The following ZBTB24 variants were observed in gnomAD, a reference collection of about 807,000 sequenced individuals.
ZBTB24 encodes the protein zinc finger and BTB domain-containing protein 24.
In ZBTB24, 32 loss-of-function variants were observed where a neutral mutation model predicts 53.8. The observed-to-expected ratio is 0.60, with a 90% CI of 0.45 to 0.80. The LOEUF (loss-of-function observed/expected upper bound fraction) is 0.80, where lower values mean the gene tolerates loss of function less well. Among genes scored for constraint, ZBTB24 ranks in the 30% least tolerant of loss-of-function variants. ZBTB24 has a pLI of 0.00. For missense variants in ZBTB24, 722 were observed against 837.1 expected (o/e 0.86, Z 1.70); for synonymous variants, 297 against 306.7 (o/e 0.97, Z 0.33).
At position 109,479,964 on chromosome 6, in the gene ZBTB24, G is replaced by A. The variant is rs192449882; in HGVS notation, c.952+1111C>T. Among the ~76,000 whole-genome samples the A allele has an allele frequency of 1.4e-3, 189 of 138,684 alleles. 1 individual carries two copies. Among genetic ancestry groups the A allele is most frequent in the African/African-American group, 4.9e-3 (185 of 37,480 alleles). 91.0% of individuals were successfully genotyped at this position (138,684 alleles called of 152,430 possible). On this transcript the variant is annotated intron_variant, in intron 2 of 6. Coordinates refer to ENST00000230122, the MANE Select transcript of ZBTB24 (RefSeq NM_014797.3). ...AAAAGCTAAAATATAACCTATTACA[G>A]TTCAACAAATATTTCTCAAGTATCC...
intron 2 of ZBTB24, among the ~76,000 whole-genome samples, chr6:109,477,642 TGAG>T (rs1409718652): frequency 6.6e-6 from 1 of 152,150 alleles, no homozygotes; most frequent in Non-Finnish European, 1.5e-5. Context: ...GAGTGTTCAC[TGAG>T]GAGGGTTAAG....
rs1776285529 is a variant in ZBTB24 at position 109,476,745 on chromosome 6, C to T, written c.1120+18G>A. ...ATGGGAATCTGGTGAAGCTGGCCCTCTGGGCAAGCCCCACTACCTGAGTGC... is the reference window on the plus strand; with the variant it reads ...ATGGGAATCTGGTGAAGCTGGCCCTTTGGGCAAGCCCCACTACCTGAGTGC... On this transcript the variant is annotated intron_variant, in intron 3 of 6. Transcript: ENST00000230122. 6.2e-7 allele frequency: 1 copy of T among 1,610,832 alleles called. No homozygotes were observed. The highest frequency in any genetic ancestry group is 1.3e-5 in the African/African-American group (1 of 75,014).
At chr6:109,482,334 C>T (rs938496395) in intron 1 of ZBTB24, among the ~76,000 whole-genome samples, 1 of 151,964 alleles carries the variant, frequency 6.6e-6, no homozygotes, top group Non-Finnish European at 1.5e-5. Flanking sequence ...GGCGTGGTGG[C>T]GCCCGCCTGT....
At chr6:109,479,071 ATAAAGT>A (rs1562303690) in intron 2 of ZBTB24, among the ~76,000 whole-genome samples, 2 of 152,192 alleles carry the variant, frequency 1.3e-5, no homozygotes, top group Non-Finnish European at 2.9e-5. Context: ...ATAAGAGAAA[ATAAAGT>A]TAGAGAGAAC....
intron 4 of ZBTB24, among the ~76,000 whole-genome samples, chr6:109,475,879 C>A (rs767122815): frequency 1.3e-5 from 2 of 152,252 alleles, no homozygotes; most frequent in Non-Finnish European, 2.9e-5. Flanking sequence ...TCTGCCCAGG[C>A]ACCACTAACA....
intron 2 of ZBTB24, among the ~76,000 whole-genome samples, chr6:109,478,132 C>T (rs1232380232): frequency 6.6e-6 from 1 of 152,150 alleles, no homozygotes. Context: ...ACAAGTTTTA[C>T]TGGGGATCTG....
In ZBTB24 at chr6:109,474,509, G is replaced by A. The variant is rs1299626006; in HGVS notation, c.1288+890C>T. Among the ~76,000 whole-genome samples the A allele has an allele frequency of 2.6e-5, 4 of 152,298 alleles. No individual in the cohort carries two copies. The East Asian group carries it at 7.7e-4, about 29-fold the overall frequency. ...GCACTTTGGGAGGCCAAGGTGGGCAGATCACAAGGTCAAGAGATCGAGACC... is the reference window on the plus strand; with the variant it reads ...GCACTTTGGGAGGCCAAGGTGGGCAAATCACAAGGTCAAGAGATCGAGACC... On this transcript the variant is annotated intron_variant, in intron 5 of 6. Transcript: ENST00000230122.
chr6:109,466,979 T>C (rs1776058384), intron 6 of ZBTB24, among the ~76,000 whole-genome samples: 2 of 152,204 alleles, frequency 1.3e-5, no homozygotes, highest in Non-Finnish European at 2.9e-5. Context: ...TTTAAAAAAT[T>C]TAAGCATCCT....
At chr6:109,473,860 T>A (rs1318294003) in intron 5 of ZBTB24, among the ~76,000 whole-genome samples, 1 of 151,176 alleles carries the variant, frequency 6.6e-6, no homozygotes, top group Non-Finnish European at 1.5e-5. Flanking sequence ...GGAGGGTGGA[T>A]CACTTGAGCC....
chr6:109,475,584 A>G, intron 4 of ZBTB24, 102 bp from the exon 5 acceptor site: 1 of 1,421,556 alleles, frequency 7.0e-7, no homozygotes, highest in East Asian at 2.3e-5. Flanking sequence ...ATCACTTTAA[A>G]TATAGTACTT....
Position 109,466,195 on chromosome 6 carries a change from T to C in ZBTB24, c.1750A>G (p.Met584Val), listed in dbSNP as rs139491074. Residue 584 changes from methionine (M) to valine (V), a missense_variant, in exon 7 of 7, where the codon ATG becomes GTG. Coordinates refer to ENST00000230122, the MANE Select transcript of ZBTB24 (RefSeq NM_014797.3). ...SIVTAESSQN[M>V]TADQAANLTL... ...AGATTAGCAGCCTGGTCTGCAGTCA[T>C]GTTTTGGGAACTCTCTGCAGTCACA... 4 of 1,614,242 alleles carry C rather than the reference T, an allele frequency of 2.5e-6. No homozygotes were observed. The highest frequency in any genetic ancestry group is 1.7e-6 in the Non-Finnish European group (2 of 1,180,028).
At chr6:109,472,263 A>G (rs910657828) in intron 5 of ZBTB24, among the ~76,000 whole-genome samples, 1 of 152,124 alleles carries the variant, frequency 6.6e-6, no homozygotes, top group African/African-American at 2.4e-5. Flanking sequence ...GCTGCTCTTG[A>G]AGAACCCCAA....
At position 109,466,556 on chromosome 6, in the gene ZBTB24, G is replaced by C. The variant is rs2232447; in HGVS notation, c.1389C>G (p.Ser463=). 5,363 of 1,612,386 alleles carry C rather than the reference G, an allele frequency of 3.3e-3. 173 individuals carry two copies. The African/African-American group carries it at 0.064, about 19-fold the overall frequency. ...IRIHRGEKPY[S]CGICGKSFSD... Reference sequence around the variant, plus strand: ...AGAAGGATTTGCCACAAATGCCACAGGAGTATGGCTTTTCTCCTCTGTAAG... The same window carrying C: ...AGAAGGATTTGCCACAAATGCCACACGAGTATGGCTTTTCTCCTCTGTAAG... Residue 463 remains serine (S), a synonymous_variant, in exon 7 of 7, where the codon TCC becomes TCG. Coordinates refer to ENST00000230122, the MANE Select transcript of ZBTB24 (RefSeq NM_014797.3).
chr6:109,464,463 C>G lies in ZBTB24; in HGVS notation c.*1388G>C, dbSNP rs761246138. The G allele has an allele frequency of 6.6e-6, 1 of 152,188 alleles. No individual in the cohort carries two copies. The highest frequency in any genetic ancestry group is 2.4e-5 in the African/African-American group (1 of 41,448). The allele number at this position is 152,188 out of a possible 1,614,324, so 9.4% of individuals were successfully genotyped here. ...CATCAGCATTGTTAATTTAGATATA[C>G]TAGTGCCCACCTTCTTTTCTCAAAA... On this transcript the variant is annotated 3_prime_UTR_variant, in exon 7 of 7. Coordinates refer to ENST00000230122, the MANE Select transcript of ZBTB24 (RefSeq NM_014797.3).
rs1775995325 is a variant in ZBTB24 at position 109,464,848 on chromosome 6, T to TCCC, written c.*1002_*1003insGGG. On this transcript the variant is annotated 3_prime_UTR_variant, in exon 7 of 7. Transcript: ENST00000230122. ...GGAGAAGATATTCACTTTGTGGGAT[T>TCCC]TAACTAGTCTGCAATAAAAATGAAT... 6.6e-6 allele frequency: 1 copy of TCCC among 152,186 alleles called. No homozygotes were observed. Among genetic ancestry groups the TCCC allele is most frequent in the Non-Finnish European group, 1.5e-5 (1 of 68,028 alleles). 9.4% of individuals were successfully genotyped at this position (152,186 alleles called of 1,614,324 possible).
chr6:109,481,370 C>T lies in ZBTB24; in HGVS notation c.657G>A (p.Ser219=), dbSNP rs138421963. The T allele has an allele frequency of 2.1e-5, 34 of 1,614,014 alleles. 1 individual carries two copies. Among genetic ancestry groups the T allele is most frequent in the Admixed American group, 1.8e-4 (11 of 59,994 alleles). Residue 219 remains serine, a synonymous_variant, in exon 2 of 7, where the codon TCG becomes TCA. Coordinates refer to ENST00000230122, the MANE Select transcript of ZBTB24 (RefSeq NM_014797.3). ...CTCTACTTGGCTCACAAGTAGGCTC[C>T]GATTCTTCCTTTTCTTTTGCTGCAA... ...EQIAAKEKEE[S]EPTCEPSREE... is the part of the protein sequence containing the mutation.
At chr6:109,482,377 C>A (rs1178332655) in intron 1 of ZBTB24, among the ~76,000 whole-genome samples, 1 of 152,008 alleles carries the variant, frequency 6.6e-6, no homozygotes, top group Non-Finnish European at 1.5e-5. Flanking sequence ...GCGGCAGGAG[C>A]ATCACCTGAG....
At chr6:109,480,913 C>T in intron 2 of ZBTB24, 162 bp downstream of exon 2, 1 of 1,457,598 alleles carries the variant, frequency 6.9e-7, no homozygotes, top group Non-Finnish European at 9.1e-7. Context: ...GAGGATATTA[C>T]CCACCTTGCA....
intron 2 of ZBTB24, among the ~76,000 whole-genome samples, chr6:109,478,768 T>TA (rs149326905): frequency 1.2e-4 from 18 of 144,276 alleles, no homozygotes; most frequent in South Asian, 2.3e-4. Flanking sequence ...ACATATGATT[T>TA]AAAAAAAAAA....
Sources: gnomAD v4.1 joint callset for allele counts (sites outside exome capture counted in the v4.1 genomes callset) on GRCh38, gnomAD v4.1.1 for gene constraint, MANE v1.5 for transcripts, NCBI Gene and HGNC (gene_info 2026-07-23, HGNC 2026-07-21) for gene names.